Variants in GPR155 observed in about 807,000 individuals in gnomAD.
GPR155 encodes lysosomal cholesterol signaling protein.
Under a neutral mutation model 93.1 loss-of-function variants are expected in GPR155, and 65 were observed. That is an observed-to-expected ratio of 0.70 (90% CI 0.57 to 0.86). The LOEUF (loss-of-function observed/expected upper bound fraction) is 0.86, where lower values mean the gene tolerates loss of function less well. Ranked by LOEUF, GPR155 falls within the 40% of genes least tolerant of loss-of-function variation. The pLI is 0.00. For synonymous variants in GPR155, 319 were observed against 360.1 expected (o/e 0.89, Z 1.29); for missense variants, 838 against 1,034.8 (o/e 0.81, Z 2.61).
At chr2:174,440,859 TA>T (rs574531332) in intron 14 of GPR155, among the ~76,000 whole-genome samples, 1 of 152,120 alleles carries the variant, frequency 6.6e-6, no homozygotes, top group African/African-American at 2.4e-5. Context: ...ACTAAGCTGA[TA>T]AAAAAACCAA....
rs969671420 is a variant in GPR155, at chr2:174,434,359, C to T, written c.*1757G>A. 3.3e-5 allele frequency: 5 copies of T among 151,038 alleles called. No individual in the cohort carries two copies. The highest frequency in any genetic ancestry group is 1.3e-4 in the Admixed American group (2 of 15,158). The allele number at this position is 151,038 out of a possible 1,614,324, so 9.4% of individuals were successfully genotyped here. On this transcript the variant is annotated 3_prime_UTR_variant, in exon 16 of 16. Transcript: ENST00000392552. Reference sequence around the variant, plus strand: ...ATAAAGTAGAAGTTATCCTGCATTACGATGCTTTGTTCAAACACAGAAATG... The same window carrying T: ...ATAAAGTAGAAGTTATCCTGCATTATGATGCTTTGTTCAAACACAGAAATG...
chr2:174,436,130 A>G lies in GPR155; in HGVS notation c.2599T>C (p.Ser867Pro), dbSNP rs1396514235. Residue 867 changes from serine (S) to proline (P), a missense_variant, in exon 16 of 16, where the codon TCC (serine) becomes CCC (proline). This residue lies in a region of GPR155 where 146 missense variants were observed against 177.5 expected (regional missense o/e 0.82). Transcript: ENST00000392552. ...EIEHSSPPSH[S>P]PKT ...CCCTGCATAATTTAGGTCTTAGGGG[A>G]ATGTGAGGGTGGGGATGAATGCTCA... The G allele has an allele frequency of 1.2e-6, 2 of 1,612,924 alleles. No homozygotes were observed. Among genetic ancestry groups the G allele is most frequent in the Non-Finnish European group, 8.5e-7 (1 of 1,179,008 alleles).
chr2:174,436,164 A>G lies in GPR155; in HGVS notation c.2565T>C (p.Tyr855=), dbSNP rs1686772211. The G allele has an allele frequency of 1.2e-6, 2 of 1,613,852 alleles. No homozygotes were observed. Among genetic ancestry groups the G allele is most frequent in the South Asian group, 1.1e-5 (1 of 91,074 alleles). ...GTGGGGATGAATGCTCAATTTCTTT[A>G]TATCTTTCCTGTTGGAGAGTGTTTG... ...INANTLQQER[Y]KEIEHSSPPS... is the part of the protein sequence containing the mutation. The change falls in exon 16 of 16, where the codon TAT becomes TAC. Residue 855 remains tyrosine, a synonymous_variant. Transcript: ENST00000392552.
chr2:174,466,684 T>C, intron 5 of GPR155, 57 bp from the exon 6 acceptor site: 1 of 877,382 alleles, frequency 1.1e-6, no homozygotes, highest in Non-Finnish European at 1.9e-6. Flanking sequence ...TAATTACTTA[T>C]TAAATAACAC....
intron 11 of GPR155, among the ~76,000 whole-genome samples, chr2:174,452,243 A>G (rs1559103876): frequency 1.3e-5 from 2 of 152,330 alleles, no homozygotes; most frequent in South Asian, 2.1e-4. Flanking sequence ...ATATGTTTTC[A>G]CTACTTTTTA....
chr2:174,451,707 A>G (rs528363154), intron 11 of GPR155, among the ~76,000 whole-genome samples: 5 of 152,310 alleles, frequency 3.3e-5, no homozygotes, highest in Admixed American at 1.3e-4. Flanking sequence ...TTGCTCAGAC[A>G]TGATCATGGC....
intron 2 of GPR155, among the ~76,000 whole-genome samples, chr2:174,476,834 A>G (rs1187682079): frequency 1.3e-5 from 2 of 152,014 alleles, no homozygotes; most frequent in Non-Finnish European, 2.9e-5. Context: ...AATCTCACCT[A>G]CTACTTAAGG....
Position 174,453,838 on chromosome 2 carries a change from C to T in GPR155, c.1775G>A (p.Cys592Tyr). 6.2e-7 allele frequency: 1 copy of T among 1,601,550 alleles called. No homozygotes were observed. Among genetic ancestry groups the T allele is most frequent in the Non-Finnish European group, 8.6e-7 (1 of 1,168,902 alleles). ...LFTSSIPETS[C>Y]CSCSMGNGEL... ...ACCATTTCCCATGGAGCAGGAGCAG[C>T]AACCTATATCAATCAAATAGTATGT... Residue 592 changes from cysteine (C) to tyrosine (Y), a missense_variant, in exon 11 of 16, where the codon TGC (cysteine) becomes TAC (tyrosine). By Grantham distance (194) the Cys-to-Tyr change is radical. This residue lies in a region of GPR155 where 663 missense variants were observed against 790.1 expected (regional missense o/e 0.84). Coordinates refer to ENST00000392552, the MANE Select transcript of GPR155 (RefSeq NM_152529.7).
intron 10 of GPR155, 41 bp downstream of exon 10, chr2:174,459,837 T>G (rs766776830): frequency 3.5e-6 from 5 of 1,448,332 alleles, no homozygotes; most frequent in Non-Finnish European, 4.8e-6. Flanking sequence ...AGAGCAAGAT[T>G]CTGTCTCAAA....
At chr2:174,440,937 AAAG>A (rs770391351) in intron 14 of GPR155, among the ~76,000 whole-genome samples, 3 of 152,348 alleles carry the variant, frequency 2.0e-5, no homozygotes, top group South Asian at 4.1e-4. Flanking sequence ...TTGTGTTGTC[AAAG>A]GAGACAGACA....
intron 12 of GPR155, 111 bp downstream of exon 12, chr2:174,446,500 G>A (rs1687135179): frequency 7.7e-6 from 7 of 914,038 alleles, no homozygotes; most frequent in South Asian, 1.6e-5. Context: ...AGGTGACCTA[G>A]CTACCACACT....
Position 174,433,086 on chromosome 2 carries a change from G to A in GPR155, c.*3030C>T, listed in dbSNP as rs557689844. ...CCCCCATGCAGGTTTTTAAAAAACTGTTTATTTGTTGCATTAAAAGGGCAA... is the reference window on the plus strand; with the variant it reads ...CCCCCATGCAGGTTTTTAAAAAACTATTTATTTGTTGCATTAAAAGGGCAA... On this transcript the variant is annotated 3_prime_UTR_variant, in exon 16 of 16. Transcript: ENST00000392552. The A allele has an allele frequency of 6.6e-6, 1 of 151,994 alleles. No homozygotes were observed. The highest frequency in any genetic ancestry group is 1.5e-5 in the Non-Finnish European group (1 of 67,998). The allele number at this position is 151,994 out of a possible 1,614,324, so 9.4% of individuals were successfully genotyped here. A position where few individuals can be genotyped will look rare whatever the true frequency, so the allele number is the denominator to read the frequency against.
chr2:174,453,138 C>T (rs1335762618), intron 11 of GPR155, among the ~76,000 whole-genome samples: 1 of 152,198 alleles, frequency 6.6e-6, no homozygotes, highest in Non-Finnish European at 1.5e-5. Flanking sequence ...CCAAAATGCC[C>T]TTTAGGGCAA....
intron 10 of GPR155, among the ~76,000 whole-genome samples, chr2:174,458,791 T>C (rs1023597199): frequency 3.3e-5 from 5 of 152,176 alleles, no homozygotes; most frequent in Non-Finnish European, 7.3e-5. Flanking sequence ...TTTAAAAATG[T>C]AAAAAACATT....
chr2:174,454,699 G>C (rs1687441868), intron 10 of GPR155, among the ~76,000 whole-genome samples: 1 of 144,154 alleles, frequency 6.9e-6, no homozygotes, highest in African/African-American at 2.6e-5. Context: ...GGAAGGGAAA[G>C]GAAGGAAAGG....
Position 174,470,428 on chromosome 2 carries a change from C to T in GPR155, c.988G>A (p.Ala330Thr). ...YGVFPVAPGV[A>T]IFATQFNMEV... ...ATGTTGAATTGTGTTGCAAAGATAG[C>T]CACTCCTGGTGCTACAGGAAATACA... The change falls in exon 4 of 16, where the codon GCT (alanine) becomes ACT (threonine). Residue 330 changes from alanine to threonine, a missense_variant. By Grantham distance (58) the Ala-to-Thr change is moderately conservative (BLOSUM62 0). Around this residue, in one of 3 missense-constraint regions of GPR155, gnomAD observed 663 missense variants for 790.1 expected, o/e 0.84. Transcript: ENST00000392552. The T allele has an allele frequency of 1.2e-6, 2 of 1,613,118 alleles. No individual in the cohort carries two copies. Among genetic ancestry groups the T allele is most frequent in the Non-Finnish European group, 8.5e-7 (1 of 1,179,340 alleles).
At chr2:174,445,004 C>T in intron 13 of GPR155, 77 bp downstream of exon 13, 2 of 735,492 alleles carry the variant, frequency 2.7e-6, no homozygotes, top group South Asian at 1.5e-5. Context: ...TAATCCACTC[C>T]CCGCTTCCCC....
At position 174,481,828 on chromosome 2, in the gene GPR155, A is replaced by T. The variant is rs1688330789; in HGVS notation, c.129T>A (p.Phe43Leu). 6.2e-7 allele frequency: 1 copy of T among 1,614,122 alleles called. No individual in the cohort carries two copies. The highest frequency in any genetic ancestry group is 1.1e-5 in the South Asian group (1 of 91,088). ...TGCCAAAGCATTCCAGTAAGGCTGG[A>T]AAAAGCCTTGTAATTGACATTGAAG... ...DPPSMSITRL[F>L]PALLECFGIV... The change falls in exon 2 of 16, where the codon TTT becomes TTA. Residue 43 changes from phenylalanine to leucine, a missense_variant. Phe to Leu is a conservative substitution (Grantham distance 22). Coordinates refer to ENST00000392552, the MANE Select transcript of GPR155 (RefSeq NM_152529.7).
intron 13 of GPR155, among the ~76,000 whole-genome samples, chr2:174,442,450 G>A (rs1278530008): frequency 6.6e-6 from 1 of 152,100 alleles, no homozygotes; most frequent in Non-Finnish European, 1.5e-5. Context: ...AAATGAAAAC[G>A]TTTAAGGGCA....
Sources: allele counts gnomAD v4.1 joint callset (sites outside exome capture counted in the v4.1 genomes callset), GRCh38; gene constraint gnomAD v4.1.1; regional missense constraint gnomAD v4.1.1; transcripts MANE v1.5; gene names NCBI Gene and HGNC (gene_info 2026-07-23, HGNC 2026-07-21).